The following FER variants were observed in gnomAD, a reference collection of about 807,000 sequenced individuals.
The protein encoded by FER is tyrosine-protein kinase Fer.
A neutral mutation model predicts 111.0 loss-of-function variants in FER; 63 were observed. That is an observed-to-expected ratio of 0.57 (90% CI 0.46 to 0.70). The LOEUF is 0.70. Among genes scored for constraint, FER ranks in the 30% least tolerant of loss-of-function variants. The pLI is 0.00. For synonymous variants in FER, 327 were observed against 313.9 expected, an observed-to-expected ratio of 1.04 and a Z score of -0.44; for missense variants, 914 against 954.0, an observed-to-expected ratio of 0.96 and a Z score of 0.55.
chr5:108,998,444 C>G (rs1043580881), intron 13 of FER, among the ~76,000 whole-genome samples: 49 of 152,138 alleles, frequency 3.2e-4, no homozygotes, highest in African/African-American at 1.2e-3. Context: ...AGGCGACATC[C>G]CATCCTTCTT....
intron 3 of FER, among the ~76,000 whole-genome samples, chr5:108,814,388 C>T (rs1213044580): frequency 1.3e-5 from 2 of 152,088 alleles, no homozygotes; most frequent in Admixed American, 1.3e-4. Context: ...GAAAGTACAG[C>T]TACTCCATAC....
intron 5 of FER, 46 bp downstream of exon 5, chr5:108,835,853 T>C (rs762851882): frequency 5.5e-6 from 6 of 1,095,938 alleles, no homozygotes; most frequent in Admixed American, 2.6e-5. Flanking sequence ...ATTTTTATTC[T>C]TACTGTTTGA....
intron 16 of FER, among the ~76,000 whole-genome samples, chr5:109,047,943 T>TA (rs1331791331): frequency 6.6e-6 from 1 of 152,176 alleles, no homozygotes; most frequent in Non-Finnish European, 1.5e-5. Flanking sequence ...TAGTATGTTT[T>TA]AAAGTTTTTT....
chr5:108,983,266 C>G (rs765750848), intron 13 of FER, among the ~76,000 whole-genome samples: 14 of 151,916 alleles, frequency 9.2e-5, no homozygotes, highest in Admixed American at 1.3e-4. Flanking sequence ...ATTACAAAAC[C>G]AATAGCATCT....
intron 17 of FER, among the ~76,000 whole-genome samples, chr5:109,114,837 C>T (rs7713591): frequency 0.04 from 6,146 of 152,116 alleles, 145 homozygotes; most frequent in Middle Eastern, 0.11. Context: ...TCCACTCCCC[C>T]TCTCATCAGC....
chr5:108,993,599 G>A (rs6896391), intron 13 of FER, among the ~76,000 whole-genome samples: 7,668 of 118,126 alleles, frequency 0.065, 440 homozygotes, highest in African/African-American at 0.17. Flanking sequence ...GGGAGAGGGC[G>A]AGGGCGAGGG....
intron 2 of FER, among the ~76,000 whole-genome samples, chr5:108,772,954 G>A (rs184648860): frequency 1.3e-3 from 200 of 152,316 alleles, no homozygotes; most frequent in African/African-American, 4.3e-3. Flanking sequence ...AGTACATAGA[G>A]ACACTCAGAG....
intron 16 of FER, among the ~76,000 whole-genome samples, chr5:109,055,775 A>C (rs371641208): frequency 9.7e-4 from 132 of 136,366 alleles, no homozygotes; most frequent in African/African-American, 3.5e-3. Flanking sequence ...GCCACAACAG[A>C]GTGAAACCTT....
intron 16 of FER, among the ~76,000 whole-genome samples, chr5:109,095,487 G>T (rs1443068749): frequency 6.6e-6 from 1 of 151,952 alleles, no homozygotes; most frequent in Non-Finnish European, 1.5e-5. Context: ...CCCTTTCTGT[G>T]CAGCCCATCT....
chr5:108,749,399 G>T (rs1419391899), intron 1 of FER, among the ~76,000 whole-genome samples: 1 of 151,914 alleles, frequency 6.6e-6, no homozygotes, highest in Non-Finnish European at 1.5e-5. Flanking sequence ...GGGCTGATGG[G>T]CGTGAGGCGG....
intron 13 of FER, among the ~76,000 whole-genome samples, chr5:108,995,668 A>T (rs1278641403): frequency 2.0e-5 from 3 of 152,078 alleles, no homozygotes; most frequent in Non-Finnish European, 1.5e-5. Context: ...TCTATCATTG[A>T]TGGGCATTTG....
intron 17 of FER, among the ~76,000 whole-genome samples, chr5:109,174,247 T>A (rs562503036): frequency 6.6e-6 from 1 of 152,170 alleles, no homozygotes; most frequent in East Asian, 1.9e-4. Flanking sequence ...TGCACTGAAA[T>A]GAGAAATGTA....
chr5:109,163,619 T>G (rs2126754969), intron 17 of FER, among the ~76,000 whole-genome samples: 1 of 152,216 alleles, frequency 6.6e-6, no homozygotes, highest in South Asian at 2.1e-4. Flanking sequence ...GGTTTACATT[T>G]TTTTAAAATT....
intron 1 of FER, among the ~76,000 whole-genome samples, chr5:108,758,547 C>A (rs564663590): frequency 1.3e-4 from 20 of 152,170 alleles, no homozygotes; most frequent in Non-Finnish European, 2.8e-4. Context: ...TGTGACATTT[C>A]TTTCAGTTGG....
At chr5:108,759,160 C>T (rs775461486) in intron 1 of FER, among the ~76,000 whole-genome samples, 1 of 152,192 alleles carries the variant, frequency 6.6e-6, no homozygotes, top group African/African-American at 2.4e-5. Context: ...AGGAAAATAG[C>T]ATGTGGACAA....
At chr5:108,845,756 G>A (rs1761971231) in intron 5 of FER, among the ~76,000 whole-genome samples, 1 of 152,100 alleles carries the variant, frequency 6.6e-6, no homozygotes, top group South Asian at 2.1e-4. Flanking sequence ...TATGATGTTT[G>A]CTGTAGTTTT....
At chr5:109,093,257 G>A (rs1041287122) in intron 16 of FER, among the ~76,000 whole-genome samples, 2 of 152,114 alleles carry the variant, frequency 1.3e-5, no homozygotes, top group Admixed American at 1.3e-4. Context: ...GTAAATTTAT[G>A]TGGTTTTTAC....
intron 1 of FER, among the ~76,000 whole-genome samples, chr5:108,764,428 A>T (rs1329232378): frequency 1.3e-5 from 2 of 151,842 alleles, no homozygotes; most frequent in Non-Finnish European, 2.9e-5. Flanking sequence ...ACGAAGTTTC[A>T]CTCTTGTTGC....
chr5:108,866,832 T>A (rs1000162591), intron 5 of FER, among the ~76,000 whole-genome samples: 1 of 152,186 alleles, frequency 6.6e-6, no homozygotes, highest in Admixed American at 6.5e-5. Flanking sequence ...AAGTTTAAGA[T>A]CTGCTTAAAA....
Sources: gnomAD v4.1 joint callset for allele counts (sites outside exome capture counted in the v4.1 genomes callset) on GRCh38, gnomAD v4.1.1 for gene constraint, MANE v1.5 for transcripts, NCBI Gene and HGNC (gene_info 2026-07-23, HGNC 2026-07-21) for gene names.